Variants in CENPF observed in about 807,000 individuals in gnomAD.
CENPF encodes the protein AH antigen.
CENPF carries 214 observed loss-of-function variants against 307.3 expected under a neutral mutation model. The observed-to-expected ratio is 0.70, with a 90% CI of 0.62 to 0.78. The LOEUF is 0.78. Ranked by LOEUF, CENPF falls within the 30% of genes least tolerant of loss-of-function variation. CENPF has a pLI of 0.00. For synonymous variants in CENPF, 1,259 were observed against 1,270.6 expected, an observed-to-expected ratio of 0.99 and a Z score of 0.19; for missense variants, 3,401 against 3,483.9, an observed-to-expected ratio of 0.98 and a Z score of 0.60.
At position 214,655,240 on chromosome 1, in the gene CENPF, G is replaced by C; in HGVS notation, c.8323-1G>C. 1 of 1,565,110 alleles carries C rather than the reference G, an allele frequency of 6.4e-7. No individual in the cohort carries two copies. Among genetic ancestry groups the C allele is most frequent in the Non-Finnish European group, 8.6e-7 (1 of 1,157,690 alleles). On this transcript the variant is annotated splice_acceptor_variant, in intron 16 of 19. Coordinates refer to ENST00000366955, the MANE Select transcript of CENPF (RefSeq NM_016343.4). LOFTEE classifies it high-confidence loss of function. ...TAAATGGAATTACTTTTATTTTGTA[G>C]ATGGACAATCTAAAATATGTAAATC...
At chr1:214,609,214 C>G (rs1343218577) in intron 1 of CENPF, among the ~76,000 whole-genome samples, 1 of 152,220 alleles carries the variant, frequency 6.6e-6, no homozygotes, top group African/African-American at 2.4e-5. Context: ...GAAGAATCCG[C>G]TTTGAATCTC....
At chr1:214,651,447 A>C (rs528748420) in intron 14 of CENPF, among the ~76,000 whole-genome samples, 1 of 152,172 alleles carries the variant, frequency 6.6e-6, no homozygotes, top group Non-Finnish European at 1.5e-5. Context: ...GAGTGGTTTA[A>C]TTGAATTCAA....
chr1:214,608,571 G>C, intron 1 of CENPF: 1 of 1,610,312 alleles, frequency 6.2e-7, no homozygotes, highest in East Asian at 2.2e-5. Flanking sequence ...CGCTCTTGGT[G>C]GGGAAGACCT....
At position 214,645,771 on chromosome 1, in the gene CENPF, G is replaced by C. The variant is rs1224257280; in HGVS notation, c.6201G>C (p.Leu2067Phe). ...QIAQLNKEKE[L>F]LVKESESLQA... The stretch of plus-strand genomic sequence containing the variant: ...CACAACTGAATAAAGAGAAAGAATT[G>C]CTTGTCAAGGAATCTGAAAGCCTGC... Residue 2067 changes from leucine to phenylalanine, a missense_variant, in exon 13 of 20, where the codon TTG becomes TTC. By Grantham distance (22) the Leu-to-Phe change is conservative (BLOSUM62 0). Transcript: ENST00000366955. 5 of 1,614,064 alleles carry C rather than the reference G, an allele frequency of 3.1e-6. No individual in the cohort carries two copies. Among genetic ancestry groups the C allele is most frequent in the Non-Finnish European group, 4.2e-6 (5 of 1,180,032 alleles).
At position 214,621,092 on chromosome 1, in the gene CENPF, A is replaced by G. The variant is rs1657492744; in HGVS notation, c.865+146A>G. On this transcript the variant is annotated intron_variant, in intron 6 of 19. Coordinates refer to ENST00000366955, the MANE Select transcript of CENPF (RefSeq NM_016343.4). ...ATCCTAGACTGGTTATGTGAAATAT[A>G]CTGTCTTTTCAATAATGATAAAAGG... 3 of 682,896 alleles carry G rather than the reference A, an allele frequency of 4.4e-6. No individual in the cohort carries two copies. The Admixed American group carries it at 9.1e-5, about 21-fold the overall frequency. 42.3% of individuals were successfully genotyped at this position (682,896 alleles called of 1,614,324 possible).
chr1:214,660,307 A>G (rs1263716322), intron 19 of CENPF, among the ~76,000 whole-genome samples: 1 of 152,216 alleles, frequency 6.6e-6, no homozygotes, highest in Non-Finnish European at 1.5e-5. Context: ...TGTTACTCTT[A>G]TTAGAAATAG....
At position 214,658,850 on chromosome 1, in the gene CENPF, G is replaced by C. The variant is rs1558193420; in HGVS notation, c.8963G>C (p.Gly2988Ala). The stretch of plus-strand genomic sequence containing the variant: ...TGACAGTTATTTTTTTTGCCCTTAG[G>C]GTTTGCTGACATCCCGACAGGAAAG... The part of the protein sequence containing the change: ...PEGLPEVVKK[G>A]FADIPTGKTS... The change falls in exon 19 of 20, where the codon GGG (glycine) becomes GCG (alanine). Residue 2988 changes from glycine to alanine, a missense_variant and splice_region_variant. By Grantham distance (60) the Gly-to-Ala change is moderately conservative (BLOSUM62 0). Coordinates refer to ENST00000366955, the MANE Select transcript of CENPF (RefSeq NM_016343.4). 1.2e-6 allele frequency: 2 copies of C among 1,612,790 alleles called. No homozygotes were observed. The highest frequency in any genetic ancestry group is 1.7e-5 in the Admixed American group (1 of 59,778).
At position 214,639,960 on chromosome 1, in the gene CENPF, A is replaced by C; in HGVS notation, c.1622A>C (p.Gln541Pro). The change falls in exon 12 of 20, where the codon CAA becomes CCA. Residue 541 changes from glutamine (Q) to proline (P), a missense_variant. Gln to Pro is a moderately conservative substitution (Grantham distance 76). Transcript: ENST00000366955. ...TSQETMLRDL[Q>P]EKINQQENSL... ...CAGGAAACCATGTTAAGAGATCTTC[A>C]AGAAAAAATAAATCAGCAAGAAAAC... is the stretch of plus-strand genomic sequence containing the variant. 1 of 1,562,706 alleles carries C rather than the reference A, an allele frequency of 6.4e-7. No individual in the cohort carries two copies.
intron 9 of CENPF, among the ~76,000 whole-genome samples, chr1:214,631,705 G>A (rs1238736357): frequency 6.6e-6 from 1 of 152,118 alleles, no homozygotes; most frequent in Non-Finnish European, 1.5e-5. Context: ...TCACCAGGTT[G>A]GCCAGGCTGG....
Position 214,642,337 on chromosome 1 carries a change from G to A in CENPF, c.3999G>A (p.Arg1333=), listed in dbSNP as rs756046602. ...GGTCAGAATGTATCACAGCAACTAGGAAAATGGCAGAAGAGGTAGGGAAAC... is the reference window on the plus strand; with the variant it reads ...GGTCAGAATGTATCACAGCAACTAGAAAAATGGCAGAAGAGGTAGGGAAAC... The part of the protein sequence containing the change: ...DSRSECITAT[R]KMAEEVGKLL... The change falls in exon 12 of 20, where the codon AGG becomes AGA. Residue 1333 remains arginine, a synonymous_variant. Coordinates refer to ENST00000366955, the MANE Select transcript of CENPF (RefSeq NM_016343.4). 1 of 1,613,630 alleles carries A rather than the reference G, an allele frequency of 6.2e-7. No homozygotes were observed. The highest frequency in any genetic ancestry group is 2.2e-5 in the East Asian group (1 of 44,874).
chr1:214,607,860 G>A (rs1049256318), intron 1 of CENPF, among the ~76,000 whole-genome samples: 18 of 152,202 alleles, frequency 1.2e-4, no homozygotes, highest in African/African-American at 4.1e-4. Context: ...CCTGCCCCAG[G>A]ATGGCCAAGC....
intron 3 of CENPF, among the ~76,000 whole-genome samples, chr1:214,617,132 A>G (rs1314911877): frequency 6.6e-6 from 1 of 150,890 alleles, no homozygotes; most frequent in East Asian, 1.9e-4. Context: ...GCTCACTGCA[A>G]CCTCCGCCTC....
At chr1:214,654,880 A>G (rs201841599) in intron 16 of CENPF, among the ~76,000 whole-genome samples, 2 of 152,226 alleles carry the variant, frequency 1.3e-5, no homozygotes, top group East Asian at 3.8e-4. Context: ...AAATGGGAAC[A>G]CAATTCTGTC....
chr1:214,609,678 G>T (rs1362681261), intron 1 of CENPF, among the ~76,000 whole-genome samples: 2 of 152,124 alleles, frequency 1.3e-5, no homozygotes, highest in Admixed American at 6.5e-5. Context: ...AGATTATTTT[G>T]TTGCCCAGGT....
At chr1:214,662,109 G>A (rs1327053993) in intron 19 of CENPF, among the ~76,000 whole-genome samples, 3 of 152,120 alleles carry the variant, frequency 2.0e-5, no homozygotes, top group African/African-American at 7.2e-5. Context: ...ATTTGATTGG[G>A]ATAAAGAGGC....
intron 16 of CENPF, 135 bp downstream of exon 16, chr1:214,653,124 G>C: frequency 2.5e-6 from 2 of 801,376 alleles, no homozygotes; most frequent in Non-Finnish European, 4.3e-6. Flanking sequence ...TCATTCATCA[G>C]TTCTCTGCTG....
intron 7 of CENPF, among the ~76,000 whole-genome samples, chr1:214,624,580 T>C (rs775157435): frequency 6.6e-6 from 1 of 152,228 alleles, no homozygotes; most frequent in Non-Finnish European, 1.5e-5. Context: ...TTGATATTTG[T>C]AGTGATATTC....
Position 214,658,895 on chromosome 1 carries a change from G to T in CENPF, c.9008G>T (p.Arg3003Leu). Residue 3003 changes from arginine to leucine, a missense_variant, in exon 19 of 20, where the codon CGA becomes CTA. Physicochemically the swap from Arg to Leu is moderately radical, Grantham distance 102. Coordinates refer to ENST00000366955, the MANE Select transcript of CENPF (RefSeq NM_016343.4). ...GGAAAGACTAGCCCATATATCCTGCGAAGAACAACCATGGCAACTCGGACC... is the reference window on the plus strand; with the variant it reads ...GGAAAGACTAGCCCATATATCCTGCTAAGAACAACCATGGCAACTCGGACC... ...PTGKTSPYIL[R>L]RTTMATRTSP... is the part of the protein sequence containing the mutation. The T allele has an allele frequency of 6.2e-7, 1 of 1,614,008 alleles. No homozygotes were observed. Among genetic ancestry groups the T allele is most frequent in the Non-Finnish European group, 8.5e-7 (1 of 1,179,964 alleles).
intron 1 of CENPF, chr1:214,605,801 C>T: frequency 1.3e-6 from 2 of 1,590,406 alleles, no homozygotes; most frequent in Admixed American, 1.7e-5. Flanking sequence ...CTTGGGGCAG[C>T]GCTCGTAGAG....
Sources: gnomAD v4.1 joint callset for allele counts (sites outside exome capture counted in the v4.1 genomes callset) on GRCh38, gnomAD v4.1.1 for gene constraint, MANE v1.5 for transcripts, NCBI Gene and HGNC (gene_info 2026-07-23, HGNC 2026-07-21) for gene names.